NEDD4: variants seen among roughly 807,000 people sequenced by gnomAD.
NEDD4 encodes the protein E3 ubiquitin-protein ligase NEDD4.
In NEDD4, 99 loss-of-function variants were observed where a neutral mutation model predicts 144.9. That is an observed-to-expected ratio of 0.68 (90% confidence interval 0.58 to 0.81). The LOEUF is 0.81. Ranked by LOEUF, NEDD4 falls within the 30% of genes least tolerant of loss-of-function variation. The pLI is 0.00. For synonymous variants in NEDD4, 318 were observed against 350.6 expected (o/e 0.91, Z 1.04); for missense variants, 985 against 1,065.9 (o/e 0.92, Z 1.06).
At chr15:55,938,647 A>T (rs1223766981) in intron 4 of NEDD4, among the ~76,000 whole-genome samples, 1 of 152,172 alleles carries the variant, frequency 6.6e-6, no homozygotes, top group African/African-American at 2.4e-5. Context: ...ATGACAAAAG[A>T]AACAATCAAC....
intron 4 of NEDD4, among the ~76,000 whole-genome samples, chr15:55,925,072 A>T (rs760698013): frequency 2.0e-5 from 3 of 152,212 alleles, no homozygotes; most frequent in Non-Finnish European, 2.9e-5. Flanking sequence ...CATCTCAAGA[A>T]AAACAAAACA....
intron 5 of NEDD4, among the ~76,000 whole-genome samples, chr15:55,891,523 G>A (rs548369268): frequency 6.6e-6 from 1 of 152,284 alleles, no homozygotes; most frequent in South Asian, 2.1e-4. Flanking sequence ...CTTTGCAAGA[G>A]TTATTTCCTA....
intron 5 of NEDD4, among the ~76,000 whole-genome samples, chr15:55,895,191 A>T (rs555647274): frequency 6.6e-6 from 1 of 152,280 alleles, no homozygotes; most frequent in East Asian, 1.9e-4. Context: ...AGAGATTCAC[A>T]CTTCTGAGCA....
intron 27 of NEDD4, among the ~76,000 whole-genome samples, chr15:55,831,562 TATC>T (rs2032952222): frequency 6.6e-6 from 1 of 152,186 alleles, no homozygotes; most frequent in Non-Finnish European, 1.5e-5. Context: ...AGAAAGAGGC[TATC>T]AAGTCCAATT....
At chr15:55,983,225 T>C (rs1049813446) in intron 1 of NEDD4, among the ~76,000 whole-genome samples, 37 of 152,078 alleles carry the variant, frequency 2.4e-4, no homozygotes, top group African/African-American at 8.9e-4. Flanking sequence ...AGCAAACAAA[T>C]GTTAAGCATA....
intron 5 of NEDD4, among the ~76,000 whole-genome samples, chr15:55,890,861 G>A (rs1329092980): frequency 6.6e-6 from 1 of 152,032 alleles, no homozygotes; most frequent in Non-Finnish European, 1.5e-5. Flanking sequence ...GTATACCATC[G>A]TGGCTTTTTG....
In NEDD4 at chr15:55,929,760, A is replaced by G. The variant is rs186414843; in HGVS notation, c.238-5061T>C. On this transcript the variant is annotated intron_variant, in intron 4 of 28. Transcript: ENST00000435532. ...ATTACCAGAGATCACGAACGTACAAATTAGAAAAACTGTCCTCAAAGGAAA... is the reference window on the plus strand; with the variant it reads ...ATTACCAGAGATCACGAACGTACAAGTTAGAAAAACTGTCCTCAAAGGAAA... Among the ~76,000 whole-genome samples the G allele has an allele frequency of 3.1e-3, 479 of 152,332 alleles. 7 individuals are homozygous for G. Among genetic ancestry groups the G allele is most frequent in the Non-Finnish European group, 9.3e-4 (63 of 68,028 alleles).
At chr15:55,886,866 G>A (rs1028273585) in intron 5 of NEDD4, among the ~76,000 whole-genome samples, 16 of 151,302 alleles carry the variant, frequency 1.1e-4, no homozygotes, top group South Asian at 2.1e-4. Flanking sequence ...CAAAAACATC[G>A]AAATTAAATA....
intron 2 of NEDD4, among the ~76,000 whole-genome samples, chr15:55,954,153 AC>A (rs2037295896): frequency 1.3e-5 from 2 of 151,950 alleles, no homozygotes; most frequent in African/African-American, 4.8e-5. Context: ...TTTTCCAGAT[AC>A]TTCTTTTTTT....
chr15:55,909,480 C>T (rs2036203346), intron 5 of NEDD4, among the ~76,000 whole-genome samples: 1 of 152,224 alleles, frequency 6.6e-6, no homozygotes, highest in African/African-American at 2.4e-5. Flanking sequence ...ACAGAGGATA[C>T]TGAACCAGAC....
At position 55,834,215 on chromosome 15, in the gene NEDD4, G is replaced by T; in HGVS notation, c.2322+12C>A. ...CACAATTTCTGTTTCAACATAAAATGTTATGTCTTACCTCTAGTTCATTTT... is the reference window on the plus strand; with the variant it reads ...CACAATTTCTGTTTCAACATAAAATTTTATGTCTTACCTCTAGTTCATTTT... On this transcript the variant is annotated intron_variant, in intron 25 of 28. Coordinates refer to ENST00000435532, the MANE Select transcript of NEDD4 (RefSeq NM_006154.4). 2 of 1,607,422 alleles carry T rather than the reference G, an allele frequency of 1.2e-6. No individual in the cohort carries two copies. The highest frequency in any genetic ancestry group is 1.7e-6 in the Non-Finnish European group (2 of 1,174,250).
At chr15:55,958,224 G>A (rs957293421) in intron 2 of NEDD4, among the ~76,000 whole-genome samples, 3 of 152,182 alleles carry the variant, frequency 2.0e-5, no homozygotes, top group African/African-American at 7.2e-5. Context: ...TTGCTGAGAG[G>A]TTTTATCATG....
Position 55,834,118 on chromosome 15 carries a change from C to G in NEDD4, c.2350G>C (p.Asp784His), listed in dbSNP as rs370100375. Residue 784 changes from aspartate to histidine, a missense_variant, in exon 26 of 29, where the codon GAT becomes CAT. Asp to His is a moderately conservative substitution (Grantham distance 81). Transcript: ENST00000435532. ...ELLMCGLGDV[D>H]VNDWREHTKY... ...GTATGTTCCCTCCAGTCATTCACAT[C>G]AACATCTCCCAGTCCACACATAAGA... 1.2e-6 allele frequency: 2 copies of G among 1,613,634 alleles called. No homozygotes were observed. Among genetic ancestry groups the G allele is most frequent in the Non-Finnish European group, 8.5e-7 (1 of 1,179,950 alleles).
chr15:55,858,803 C>G (rs779655180), intron 11 of NEDD4, among the ~76,000 whole-genome samples: 1 of 152,234 alleles, frequency 6.6e-6, no homozygotes, highest in Non-Finnish European at 1.5e-5. Flanking sequence ...GGTTAGCACA[C>G]ATTTCCTGTT....
intron 4 of NEDD4, 80 bp downstream of exon 4, chr15:55,951,296 A>G (rs553607899): frequency 3.1e-6 from 2 of 636,796 alleles, no homozygotes; most frequent in Non-Finnish European, 5.2e-6. Flanking sequence ...TTCAAATATT[A>G]AAAATGAGAA....
rs749651566 is a variant in NEDD4 at position 55,852,555 on chromosome 15, A to G, written c.1027-12T>C. On this transcript the variant is annotated splice_polypyrimidine_tract_variant and intron_variant, in intron 12 of 28. Coordinates refer to ENST00000435532, the MANE Select transcript of NEDD4 (RefSeq NM_006154.4). ...GAAGTAGGCAAAAGCTAAAGTGAAG[A>G]ATAACAGAAGAATTAAATACATCAA... 1 of 1,612,288 alleles carries G rather than the reference A, an allele frequency of 6.2e-7. No individual in the cohort carries two copies. Among genetic ancestry groups the G allele is most frequent in the Non-Finnish European group, 8.5e-7 (1 of 1,179,076 alleles).
At chr15:55,838,238 T>C (rs888022650) in intron 22 of NEDD4, 58 bp from the exon 23 acceptor site, 1 of 1,209,858 alleles carries the variant, frequency 8.3e-7, no homozygotes, top group African/African-American at 1.5e-5. Context: ...TTAAAAAGTA[T>C]ACATATTGTA....
chr15:55,828,793 G>C lies in NEDD4; in HGVS notation c.*1104C>G, dbSNP rs548362029. ...CTTCATAGTAAACAGTATTTTAAAA[G>C]GCATAAGAAATAGTAATAAATTTAA... On this transcript the variant is annotated 3_prime_UTR_variant, in exon 29 of 29. Transcript: ENST00000435532. 1 of 152,482 alleles carries C rather than the reference G, an allele frequency of 6.6e-6. No homozygotes were observed. The highest frequency in any genetic ancestry group is 1.5e-5 in the Non-Finnish European group (1 of 68,016). 9.4% of individuals were successfully genotyped at this position (152,482 alleles called of 1,614,324 possible).
At chr15:55,916,940 T>C in intron 5 of NEDD4, 1 of 1,493,856 alleles carries the variant, frequency 6.7e-7, no homozygotes, top group South Asian at 1.4e-5. Flanking sequence ...TCATTTGTGG[T>C]GCCTAAAAGA....
Sources: gnomAD v4.1 joint callset for allele counts (sites outside exome capture counted in the v4.1 genomes callset) on GRCh38, gnomAD v4.1.1 for gene constraint, MANE v1.5 for transcripts, NCBI Gene and HGNC (gene_info 2026-07-23, HGNC 2026-07-21) for gene names.